The following OR9Q1 variants were observed in gnomAD, a reference collection of about 807,000 sequenced individuals.
OR9Q1 encodes olfactory receptor family 9 subfamily Q member 1.
For missense variants in OR9Q1, 374 were observed against 378.8 expected (o/e 0.99, Z 0.11); for synonymous variants, 153 against 148.6 (o/e 1.03, Z -0.22).
chr11:58,148,637 C>T (rs1481980902), intron 2 of OR9Q1, among the ~76,000 whole-genome samples: 1 of 152,094 alleles, frequency 6.6e-6, no homozygotes, highest in Non-Finnish European at 1.5e-5. Context: ...AGAAATGAAG[C>T]ATGTTTGGTT....
At chr11:58,141,112 G>A (rs1854244101) in intron 2 of OR9Q1, among the ~76,000 whole-genome samples, 1 of 152,154 alleles carries the variant, frequency 6.6e-6, no homozygotes, top group African/African-American at 2.4e-5. Context: ...GTATAAGAAC[G>A]CTTGTGATTT....
intron 2 of OR9Q1, among the ~76,000 whole-genome samples, chr11:58,148,900 A>G (rs1191171359): frequency 6.6e-6 from 1 of 152,180 alleles, no homozygotes; most frequent in Non-Finnish European, 1.5e-5. Flanking sequence ...CTTCATGGAC[A>G]TTATACAATT....
chr11:58,160,438 T>TTGTTGTTG (rs1854446419), intron 2 of OR9Q1, among the ~76,000 whole-genome samples: 2 of 150,088 alleles, frequency 1.3e-5, no homozygotes, highest in African/African-American at 4.9e-5. Flanking sequence ...GAGTAGAATA[T>TTGTTGTTG]TTGTTGTTGT....
rs1482892598 is a variant in OR9Q1 at position 58,126,329 on chromosome 11, T to C, written c.-14-53102T>C. Among the ~76,000 whole-genome samples, 6 of 152,210 alleles carry C rather than the reference T, an allele frequency of 3.9e-5. No homozygotes were observed. The South Asian group carries it at 8.3e-4, about 21-fold the overall frequency. Reference sequence around the variant, plus strand: ...CTGGATTGTGGGTTCCTGGAGAACCTATCTTTCTTCCTACTAATAACTTGG... The same window carrying C: ...CTGGATTGTGGGTTCCTGGAGAACCCATCTTTCTTCCTACTAATAACTTGG... On this transcript the variant is annotated intron_variant, in intron 2 of 2. Transcript: ENST00000335397.
At chr11:58,130,286 GA>G (rs1482456945) in intron 2 of OR9Q1, among the ~76,000 whole-genome samples, 2 of 152,012 alleles carry the variant, frequency 1.3e-5, no homozygotes, top group Non-Finnish European at 2.9e-5. Context: ...CTAAATATAT[GA>G]AAAAATTTAA....
intron 2 of OR9Q1, among the ~76,000 whole-genome samples, chr11:58,167,901 C>A (rs1447453900): frequency 6.6e-6 from 1 of 152,048 alleles, no homozygotes; most frequent in Non-Finnish European, 1.5e-5. Context: ...TGGATGAAAC[C>A]ATAAAACCAG....
chr11:58,157,464 T>C (rs1590620544), intron 2 of OR9Q1, among the ~76,000 whole-genome samples: 1 of 152,258 alleles, frequency 6.6e-6, no homozygotes, highest in African/African-American at 2.4e-5. Flanking sequence ...AAGAGCTGTG[T>C]CTCTTTTGCT....
chr11:58,149,707 T>C (rs1001150889), intron 2 of OR9Q1, among the ~76,000 whole-genome samples: 2 of 152,238 alleles, frequency 1.3e-5, no homozygotes, highest in African/African-American at 4.8e-5. Context: ...AGTGGAATCA[T>C]ATAATATTTG....
intron 2 of OR9Q1, among the ~76,000 whole-genome samples, chr11:58,146,992 T>C (rs965301527): frequency 6.6e-6 from 1 of 152,158 alleles, no homozygotes; most frequent in African/African-American, 2.4e-5. Context: ...AAGATTCCTT[T>C]GGCTGCAGTG....
intron 2 of OR9Q1, among the ~76,000 whole-genome samples, chr11:58,113,818 A>C (rs1853924889): frequency 2.6e-5 from 4 of 152,204 alleles, no homozygotes; most frequent in Admixed American, 2.6e-4. Context: ...ATAATGTTTA[A>C]ATTATGTTCA....
At chr11:58,160,461 T>C (rs953586830) in intron 2 of OR9Q1, among the ~76,000 whole-genome samples, 6 of 151,962 alleles carry the variant, frequency 3.9e-5, no homozygotes, top group Non-Finnish European at 7.4e-5. Context: ...TTGTTGTTGT[T>C]GTTGTTGTTG....
intron 2 of OR9Q1, among the ~76,000 whole-genome samples, chr11:58,067,291 C>T (rs1853439402): frequency 6.6e-6 from 1 of 152,106 alleles, no homozygotes; most frequent in Admixed American, 6.5e-5. Flanking sequence ...CCACCTCGGC[C>T]TCCCAAAGTG....
chr11:58,086,834 A>C (rs1487762227), intron 2 of OR9Q1, among the ~76,000 whole-genome samples: 1 of 151,886 alleles, frequency 6.6e-6, no homozygotes, highest in Non-Finnish European at 1.5e-5. Context: ...AATAGTGATT[A>C]TCAGAGGCTG....
At chr11:58,137,851 A>G (rs771712064) in intron 2 of OR9Q1, among the ~76,000 whole-genome samples, 2 of 152,196 alleles carry the variant, frequency 1.3e-5, no homozygotes, top group Non-Finnish European at 2.9e-5. Flanking sequence ...CTAGAACAGT[A>G]TTTATCATAC....
chr11:58,111,712 GC>G (rs930720515), intron 2 of OR9Q1, among the ~76,000 whole-genome samples: 3 of 152,142 alleles, frequency 2.0e-5, no homozygotes, highest in Admixed American at 2.0e-4. Context: ...TGCAGTTGGG[GC>G]TGACACAATG....
intron 1 of OR9Q1, among the ~76,000 whole-genome samples, chr11:58,034,331 C>G (rs1364010844): frequency 6.6e-6 from 1 of 151,918 alleles, no homozygotes; most frequent in Admixed American, 6.6e-5. Context: ...TCGTGATCTG[C>G]CCACCTCGGC....
chr11:58,036,116 G>C (rs569985565), intron 1 of OR9Q1, among the ~76,000 whole-genome samples: 3 of 152,200 alleles, frequency 2.0e-5, no homozygotes, highest in African/African-American at 7.2e-5. Context: ...TGATCTATGA[G>C]TAGTGATTTT....
chr11:58,060,665 C>T (rs181576204), intron 2 of OR9Q1, among the ~76,000 whole-genome samples: 375 of 152,340 alleles, frequency 2.5e-3, no homozygotes, highest in African/African-American at 8.8e-3. Context: ...TGGCGAAACC[C>T]TGTCTCTGCT....
chr11:58,158,268 C>T (rs886819237), intron 2 of OR9Q1, among the ~76,000 whole-genome samples: 2 of 152,150 alleles, frequency 1.3e-5, no homozygotes, highest in African/African-American at 4.8e-5. Context: ...AAGTTCTCAC[C>T]ACCAGACTGA....
Sources: allele counts gnomAD v4.1 joint callset (sites outside exome capture counted in the v4.1 genomes callset), GRCh38; gene constraint gnomAD v4.1.1; transcripts MANE v1.5; gene names NCBI Gene and HGNC (gene_info 2026-07-23, HGNC 2026-07-21).